The following HP1BP3 variants were observed in gnomAD, a reference collection of about 807,000 sequenced individuals.
HP1BP3 encodes heterochromatin protein 1-binding protein 3.
Under a neutral mutation model 62.5 loss-of-function variants are expected in HP1BP3, and 12 were observed. That is an observed-to-expected ratio of 0.19 (90% CI 0.12 to 0.31). HP1BP3 has a LOEUF of 0.31. Among genes scored for constraint, HP1BP3 ranks in the 10% least tolerant of loss-of-function variants. The pLI is 1.00. For missense variants in HP1BP3, 502 were observed against 651.8 expected, an observed-to-expected ratio of 0.77 and a Z score of 2.50; for synonymous variants, 260 against 237.8, an observed-to-expected ratio of 1.09 and a Z score of -0.86.
chr1:20,754,418 A>C (rs2055969036), intron 9 of HP1BP3, among the ~76,000 whole-genome samples: 1 of 151,856 alleles, frequency 6.6e-6, no homozygotes, highest in Non-Finnish European at 1.5e-5. Context: ...GTCTCCCCAA[A>C]TTGATCTATA....
chr1:20,780,856 G>A (rs1032447139), intron 1 of HP1BP3, among the ~76,000 whole-genome samples: 23 of 152,190 alleles, frequency 1.5e-4, no homozygotes, highest in African/African-American at 5.3e-4. Flanking sequence ...AGAATAAAGA[G>A]ACTAAGGAAC....
chr1:20,754,099 A>G (rs1570575087), intron 9 of HP1BP3, among the ~76,000 whole-genome samples: 2 of 152,362 alleles, frequency 1.3e-5, no homozygotes, highest in East Asian at 3.9e-4. Context: ...CAGATCCTGT[A>G]TGTAGAAAAC....
At chr1:20,778,928 T>C (rs2057420392) in intron 3 of HP1BP3, among the ~76,000 whole-genome samples, 1 of 152,092 alleles carries the variant, frequency 6.6e-6, no homozygotes, top group South Asian at 2.1e-4. Flanking sequence ...TAGCAGGGAT[T>C]ACAGGCATGC....
chr1:20,744,785 T>A lies in HP1BP3; in HGVS notation c.*12A>T, dbSNP rs932253949. On this transcript the variant is annotated 3_prime_UTR_variant, in exon 13 of 13. Coordinates refer to ENST00000438032, the MANE Select transcript of HP1BP3 (RefSeq NM_001372052.1). ...TTGAATTTCATCATGATACCCTTTT[T>A]TCCTATAAAATTTACTTTTTCACTC... The A allele has an allele frequency of 1.3e-6, 2 of 1,588,336 alleles. No individual in the cohort carries two copies. The highest frequency in any genetic ancestry group is 1.7e-6 in the Non-Finnish European group (2 of 1,170,542).
chr1:20,751,549 ACT>A (rs753448929), intron 9 of HP1BP3, among the ~76,000 whole-genome samples: 18 of 151,356 alleles, frequency 1.2e-4, no homozygotes, highest in Admixed American at 2.6e-4. Context: ...ACATAGTGAG[ACT>A]CTCTCTCTAC....
In HP1BP3 at chr1:20,744,818, C is replaced by T. The variant is rs778701584; in HGVS notation, c.1641G>A (p.Lys547=). 1 of 1,608,570 alleles carries T rather than the reference C, an allele frequency of 6.2e-7. No homozygotes were observed. The highest frequency in any genetic ancestry group is 8.5e-7 in the Non-Finnish European group (1 of 1,178,752). The change falls in exon 13 of 13, where the codon AAG becomes AAA. Residue 547 remains lysine (K), a synonymous_variant. Transcript: ENST00000438032. ...AAATTTACTTTTTCACTCTGAAAGA[C>T]TTCTTCATGGTGGATTTGCCCTTGC... ...LPGKGKSTMK[K]SFRVKK is the part of the protein sequence containing the mutation.
chr1:20,775,827 C>T (rs2057279120), intron 4 of HP1BP3: 2 of 797,864 alleles, frequency 2.5e-6, no homozygotes, highest in Admixed American at 3.3e-5. Flanking sequence ...ATGTAGTAGG[C>T]TGTACCACGT....
In HP1BP3 at chr1:20,776,573, T is replaced by C. The variant is rs772342679; in HGVS notation, c.350+24A>G. 17 of 1,585,684 alleles carry C rather than the reference T, an allele frequency of 1.1e-5. No individual in the cohort carries two copies. In the Admixed American group the frequency reaches 2.1e-4, roughly 20 times the overall value. The stretch of plus-strand genomic sequence containing the variant: ...CTTTTACACATTCTTCAAATATAAA[T>C]AGCAAGAAGACATAACTCCTTACTC... On this transcript the variant is annotated intron_variant, in intron 4 of 12. Coordinates refer to ENST00000438032, the MANE Select transcript of HP1BP3 (RefSeq NM_001372052.1).
chr1:20,782,515 T>C (rs1570684914), intron 1 of HP1BP3, among the ~76,000 whole-genome samples: 1 of 150,712 alleles, frequency 6.6e-6, no homozygotes, highest in Non-Finnish European at 1.5e-5. Context: ...GCCCAGAAGG[T>C]TTTGGATGCA....
intron 3 of HP1BP3, among the ~76,000 whole-genome samples, chr1:20,778,300 TAG>T (rs1557672623): frequency 6.6e-6 from 1 of 152,212 alleles, no homozygotes; most frequent in Non-Finnish European, 1.5e-5. Flanking sequence ...GTGTAAAACA[TAG>T]AGTTTACAAA....
At chr1:20,779,720 A>AAAG in intron 3 of HP1BP3, 92 bp downstream of exon 3, 1 of 820,326 alleles carries the variant, frequency 1.2e-6, no homozygotes. Context: ...TGAAAAAAAA[A>AAAG]AAAAAACAAT....
chr1:20,748,357 A>G (rs1032592309), intron 10 of HP1BP3, among the ~76,000 whole-genome samples: 2 of 152,208 alleles, frequency 1.3e-5, no homozygotes, highest in Non-Finnish European at 2.9e-5. Context: ...TATCCAAAAT[A>G]TATTTTATGG....
chr1:20,752,339 G>A (rs2055819472), intron 9 of HP1BP3, among the ~76,000 whole-genome samples: 1 of 151,622 alleles, frequency 6.6e-6, no homozygotes, highest in African/African-American at 2.4e-5. Flanking sequence ...GTGTTGCCCA[G>A]GCTGGAGTGT....
chr1:20,754,264 G>A (rs2055958628), intron 9 of HP1BP3, among the ~76,000 whole-genome samples: 2 of 151,878 alleles, frequency 1.3e-5, no homozygotes, highest in South Asian at 4.2e-4. Context: ...AGACAGCATG[G>A]AAAAAGAATA....
Position 20,767,588 on chromosome 1 carries a change from C to T in HP1BP3, c.731G>A (p.Arg244Lys), listed in dbSNP as rs2056847969. The change falls in exon 7 of 13, where the codon AGA becomes AAA. Residue 244 changes from arginine to lysine, a missense_variant. Physicochemically the swap from Arg to Lys is conservative, Grantham distance 26. This residue lies in a region of HP1BP3 where 111 missense variants were observed against 242.0 expected (regional missense o/e 0.46). Coordinates refer to ENST00000438032, the MANE Select transcript of HP1BP3 (RefSeq NM_001372052.1). ...ACTGTGGTATAGATGTCTTACCTTT[C>T]TGTTTCTGGATTTCTGAGGTGTTTT... ...SRKTPQKSRN[R>K]KNRSSAVDPE... 1.9e-6 allele frequency: 3 copies of T among 1,603,130 alleles called. No individual in the cohort carries two copies. The highest frequency in any genetic ancestry group is 2.6e-6 in the Non-Finnish European group (3 of 1,172,630).
chr1:20,765,386 A>G lies in HP1BP3; in HGVS notation c.881T>C (p.Val294Ala). ...GGCCAATGGCTCATACCTGATGTCC[A>G]CTCTAAGCTTAGGATAATACTGAGA... ...YVSQYYPKLR[V>A]DIRPQLLKNA... The change falls in exon 8 of 13, where the codon GTG (valine) becomes GCG (alanine). Residue 294 changes from valine to alanine, a missense_variant. Val to Ala is a moderately conservative substitution (Grantham distance 64, BLOSUM62 0). Coordinates refer to ENST00000438032, the MANE Select transcript of HP1BP3 (RefSeq NM_001372052.1). 6.2e-7 allele frequency: 1 copy of G among 1,605,886 alleles called. No individual in the cohort carries two copies. The highest frequency in any genetic ancestry group is 8.5e-7 in the Non-Finnish European group (1 of 1,176,846).
At chr1:20,785,749 A>T (rs78101125) in intron 1 of HP1BP3, among the ~76,000 whole-genome samples, 4,498 of 152,314 alleles carry the variant, frequency 0.03, 234 homozygotes, top group African/African-American at 0.1. Context: ...CAAGCTTAAA[A>T]ACAAAGCCAA....
intron 9 of HP1BP3, among the ~76,000 whole-genome samples, chr1:20,752,789 C>A (rs1476153038): frequency 6.6e-6 from 1 of 152,136 alleles, no homozygotes; most frequent in African/African-American, 2.4e-5. Flanking sequence ...TTTATTAAAT[C>A]TCAACTTTTG....
intron 9 of HP1BP3, among the ~76,000 whole-genome samples, 166 bp downstream of exon 9, chr1:20,757,000 G>A (rs963164268): frequency 3.3e-5 from 5 of 152,052 alleles, no homozygotes; most frequent in East Asian, 1.9e-4. Flanking sequence ...GTGAGCCACC[G>A]CACCCAGACC....
Sources: gnomAD v4.1 joint callset for allele counts (sites outside exome capture counted in the v4.1 genomes callset) on GRCh38, gnomAD v4.1.1 for gene constraint, gnomAD v4.1.1 regional missense constraint, MANE v1.5 for transcripts, NCBI Gene and HGNC (gene_info 2026-07-23, HGNC 2026-07-21) for gene names.